Variants in SERINC1 observed in about 807,000 individuals in gnomAD.
SERINC1 encodes tumor differentially expressed protein 2.
SERINC1 carries 38 observed loss-of-function variants against 52.9 expected under a neutral mutation model. The observed-to-expected ratio is 0.72, with a 90% confidence interval of 0.55 to 0.94. SERINC1 has a LOEUF of 0.94. Ranked by LOEUF, SERINC1 falls within the 40% of genes least tolerant of loss-of-function variation. The pLI is 0.00. For missense variants in SERINC1, 471 were observed against 533.9 expected, an observed-to-expected ratio of 0.88 and a Z score of 1.16; for synonymous variants, 198 against 183.1, an observed-to-expected ratio of 1.08 and a Z score of -0.66.
At chr6:122,454,269 TTC>T in intron 3 of SERINC1, 39 bp from the exon 4 acceptor site, 1 of 1,053,240 alleles carries the variant, frequency 9.5e-7, no homozygotes, top group Non-Finnish European at 1.4e-6. Flanking sequence ...TTAATAGACA[TTC>T]ATCAAATAAT....
intron 1 of SERINC1, among the ~76,000 whole-genome samples, chr6:122,461,140 G>A (rs1043923511): frequency 1.3e-5 from 2 of 151,994 alleles, no homozygotes; most frequent in Admixed American, 6.6e-5. Flanking sequence ...GTGCTTCTGA[G>A]GAAGTAATTG....
intron 1 of SERINC1, among the ~76,000 whole-genome samples, chr6:122,466,378 A>C (rs1044503809): frequency 1.3e-5 from 2 of 152,134 alleles, no homozygotes; most frequent in Admixed American, 1.3e-4. Flanking sequence ...GTGCAGTGGC[A>C]TGATTACAGC....
At chr6:122,451,220 G>C (rs549153922) in intron 7 of SERINC1, among the ~76,000 whole-genome samples, 132 of 152,314 alleles carry the variant, frequency 8.7e-4, no homozygotes, top group African/African-American at 3.1e-3. Context: ...ATTGAGGCAA[G>C]ACCTCCTACC....
chr6:122,465,909 T>A (rs974671698), intron 1 of SERINC1, among the ~76,000 whole-genome samples: 1 of 152,096 alleles, frequency 6.6e-6, no homozygotes, highest in Non-Finnish European at 1.5e-5. Context: ...GGGAGAAAGC[T>A]TGCTTCCATG....
At chr6:122,458,408 C>T in intron 2 of SERINC1, 112 bp downstream of exon 2, 2 of 640,438 alleles carry the variant, frequency 3.1e-6, no homozygotes, top group Admixed American at 2.9e-5. Flanking sequence ...ACTAGGATTA[C>T]ATACTGTCTT....
intron 3 of SERINC1, 143 bp from the exon 4 acceptor site, chr6:122,454,373 T>A (rs1774961702): frequency 7.0e-6 from 4 of 575,254 alleles, no homozygotes; most frequent in Admixed American, 3.3e-5. Context: ...TGATCTGGAG[T>A]GTAGCCATAT....
intron 1 of SERINC1, among the ~76,000 whole-genome samples, chr6:122,460,129 C>T (rs181020651): frequency 2.9e-4 from 44 of 152,208 alleles, no homozygotes; most frequent in Admixed American, 8.5e-4. Context: ...TGCAGTGGTG[C>T]GATCTCAGCT....
chr6:122,461,859 C>T (rs1775106187), intron 1 of SERINC1, among the ~76,000 whole-genome samples: 1 of 151,936 alleles, frequency 6.6e-6, no homozygotes, highest in Non-Finnish European at 1.5e-5. Context: ...ATGAAAGAGA[C>T]ATATTCTTCT....
chr6:122,448,788 A>ATTTTTTTTT (rs67382351), intron 7 of SERINC1, among the ~76,000 whole-genome samples: 1 of 119,476 alleles, frequency 8.4e-6, no homozygotes, highest in African/African-American at 3.1e-5. Flanking sequence ...TGCTTTGCCT[A>ATTTTTTTTT]TTTTTTTTTT....
At chr6:122,462,734 A>G (rs529188510) in intron 1 of SERINC1, among the ~76,000 whole-genome samples, 17 of 152,370 alleles carry the variant, frequency 1.1e-4, no homozygotes, top group East Asian at 9.6e-4. Flanking sequence ...ACGTATTAGT[A>G]ATAACTGAAA....
intron 1 of SERINC1, 79 bp downstream of exon 1, chr6:122,471,620 G>C (rs3752573): frequency 0.15 from 233,024 of 1,579,880 alleles, 18,182 homozygotes; most frequent in East Asian, 0.18. Context: ...TTCCCGCCGG[G>C]CTCACCCAGC....
At chr6:122,463,128 T>A (rs1382944767) in intron 1 of SERINC1, among the ~76,000 whole-genome samples, 1 of 152,134 alleles carries the variant, frequency 6.6e-6, no homozygotes, top group Non-Finnish European at 1.5e-5. Flanking sequence ...TAGAACACAA[T>A]AAAGTTCAGA....
chr6:122,471,262 G>A (rs1775289372), intron 1 of SERINC1, among the ~76,000 whole-genome samples: 2 of 152,094 alleles, frequency 1.3e-5, no homozygotes, highest in South Asian at 4.1e-4. Context: ...ATCCAGGAAC[G>A]ACAGTGCGGC....
chr6:122,455,929 C>G (rs1321595542), intron 3 of SERINC1, among the ~76,000 whole-genome samples: 3 of 152,128 alleles, frequency 2.0e-5, no homozygotes, highest in Non-Finnish European at 4.4e-5. Context: ...AGCAACCCGT[C>G]ACATATTTTC....
At chr6:122,451,776 A>AAATATATATATAT in intron 6 of SERINC1, 22 bp from the exon 7 acceptor site, 6 of 113,082 alleles carry the variant, frequency 5.3e-5, no homozygotes, top group South Asian at 6.3e-4. Context: ...AAAAAAAAAA[A>AAATATATATATAT]ATATATATAT....
rs750920534 is a variant in SERINC1 at position 122,451,758 on chromosome 6, C to CAAAAAAA, written c.760-11_760-5dup. The CAAAAAAA allele has an allele frequency of 8.6e-4, 76 of 88,426 alleles. 2 individuals are homozygous for CAAAAAAA. The highest frequency in any genetic ancestry group is 1.1e-3 in the Non-Finnish European group (66 of 60,538). 5.5% of individuals were successfully genotyped at this position (88,426 alleles called of 1,614,324 possible). Reference sequence around the variant, plus strand: ...AACCAGATCTTGGTTGTGATTCCTACAAAAAAAAAAAAAAAAAAATATATA... The same window carrying CAAAAAAA: ...AACCAGATCTTGGTTGTGATTCCTACAAAAAAAAAAAAAAAAAAAAAAAAAATATATA... On this transcript the variant is annotated splice_region_variant and splice_polypyrimidine_tract_variant and intron_variant, in intron 6 of 9. Transcript: ENST00000339697.
intron 1 of SERINC1, among the ~76,000 whole-genome samples, chr6:122,459,131 T>C (rs1236078837): frequency 6.6e-6 from 1 of 152,188 alleles, no homozygotes; most frequent in African/African-American, 2.4e-5. Context: ...TTGATATATT[T>C]TCCTTCTTTT....
chr6:122,470,547 ATAAT>A (rs367653137), intron 1 of SERINC1, among the ~76,000 whole-genome samples: 5 of 152,360 alleles, frequency 3.3e-5, no homozygotes, highest in African/African-American at 1.2e-4. Context: ...ATAAAAGTCA[ATAAT>A]TAAACTCTCT....
chr6:122,458,816 C>A lies in SERINC1; in HGVS notation c.40-135G>T, dbSNP rs960572995. Reference sequence around the variant, plus strand: ...AAAAGTAATTACATCAAGGGACATACGGTATTTGGTTCATATAAATTATCT... The same window carrying A: ...AAAAGTAATTACATCAAGGGACATAAGGTATTTGGTTCATATAAATTATCT... On this transcript the variant is annotated intron_variant, in intron 1 of 9. Transcript: ENST00000339697. 3.5e-5 allele frequency: 21 copies of A among 604,176 alleles called. No individual in the cohort carries two copies. In the East Asian group the frequency reaches 5.4e-4, roughly 15 times the overall value. The allele number at this position is 604,176 out of a possible 1,614,324, so 37.4% of individuals were successfully genotyped here.
Sources: allele counts gnomAD v4.1 joint callset (sites outside exome capture counted in the v4.1 genomes callset), GRCh38; gene constraint gnomAD v4.1.1; transcripts MANE v1.5; gene names NCBI Gene and HGNC (gene_info 2026-07-23, HGNC 2026-07-21).